The following LEF1 variants were observed in gnomAD, a reference collection of about 807,000 sequenced individuals.
The protein encoded by LEF1 is lymphoid enhancer-binding factor 1.
A neutral mutation model predicts 51.2 loss-of-function variants in LEF1; 14 were observed. The observed-to-expected ratio is 0.27, with a 90% CI of 0.18 to 0.43. The LOEUF is 0.43. LEF1 is among the 20% of genes least tolerant of loss of function. The pLI, the probability that LEF1 is intolerant of heterozygous loss-of-function variation, is 1.00. For missense variants in LEF1, 386 were observed against 512.0 expected, an observed-to-expected ratio of 0.75 and a Z score of 2.37; for synonymous variants, 185 against 183.2, an observed-to-expected ratio of 1.01 and a Z score of -0.08.
chr4:108,167,735 G>A lies in LEF1; in HGVS notation c.33C>T (p.Gly11=). 1.9e-6 allele frequency: 3 copies of A among 1,613,184 alleles called. No homozygotes were observed. Among genetic ancestry groups the A allele is most frequent in the Non-Finnish European group, 1.7e-6 (2 of 1,179,962 alleles). ...TGGCGCAGAGTTCCGGGTCCCCCCC[G>A]CCGCCGCCACCTCCTCCGGAGAGTT... MPQLSGGGGG[G]GGDPELCATD... The change falls in exon 1 of 12, where the codon GGC becomes GGT. Residue 11 remains glycine (G), a synonymous_variant. Transcript: ENST00000265165. This position sits in a 1 kb window ranked among gnomAD's most constrained non-coding sequence, Gnocchi z 5.7.
chr4:108,148,289 A>G (rs936668380), intron 3 of LEF1, among the ~76,000 whole-genome samples: 1 of 5,788 alleles, frequency 1.7e-4, no homozygotes, highest in African/African-American at 2.2e-4. Flanking sequence ...AAAAAAAAAA[A>G]TTTATCAAGC....
intron 4 of LEF1, among the ~76,000 whole-genome samples, chr4:108,087,565 G>T (rs1318062622): frequency 6.6e-6 from 1 of 152,090 alleles, no homozygotes; most frequent in Non-Finnish European, 1.5e-5. Context: ...TTAAAAAATT[G>T]AACTGTCCTA....
At chr4:108,057,943 T>G (rs1370563953) in intron 11 of LEF1, among the ~76,000 whole-genome samples, 4 of 151,684 alleles carry the variant, frequency 2.6e-5, no homozygotes, top group African/African-American at 9.7e-5. Flanking sequence ...GTGCTATCTC[T>G]GCTCACTGCA....
intron 11 of LEF1, among the ~76,000 whole-genome samples, chr4:108,050,832 G>A (rs1046388117): frequency 6.6e-5 from 10 of 152,066 alleles, no homozygotes; most frequent in East Asian, 2.0e-4. Context: ...CTGGCACAGC[G>A]AACTGTGAAG....
At position 108,155,660 on chromosome 4, in the gene LEF1, C is replaced by CT. The variant is rs1744644932; in HGVS notation, c.414+7907dup. Among the ~76,000 whole-genome samples the CT allele has an allele frequency of 3.3e-5, 5 of 152,338 alleles. No homozygotes were observed. The South Asian group carries it at 1.0e-3, about 32-fold the overall frequency. ...CTGCGGCCACAGCTAGAAAACAGCG[C>CT]TTTTGCAGGCTTTGTGCCATATGAA... On this transcript the variant is annotated intron_variant, in intron 3 of 11. Coordinates refer to ENST00000265165, the MANE Select transcript of LEF1 (RefSeq NM_016269.5).
chr4:108,149,617 ATACATGTGTATATATATGTACATATATG>A (rs1328014596), intron 3 of LEF1, among the ~76,000 whole-genome samples: 1 of 148,432 alleles, frequency 6.7e-6, no homozygotes, highest in African/African-American at 2.5e-5. Context: ...GTACATATAT[ATACATGTGTATATATATGTACATATATG>A]TACATGTGTA....
At chr4:108,049,869 T>C (rs1338681505) in intron 11 of LEF1, among the ~76,000 whole-genome samples, 2 of 152,226 alleles carry the variant, frequency 1.3e-5, no homozygotes, top group Admixed American at 1.3e-4. Context: ...CAGAGTACTT[T>C]CCATGGAAGG....
intron 11 of LEF1, among the ~76,000 whole-genome samples, chr4:108,050,639 C>T (rs1437007335): frequency 6.6e-6 from 1 of 152,208 alleles, no homozygotes; most frequent in Non-Finnish European, 1.5e-5. Flanking sequence ...CCAGGTTGCT[C>T]TTCCTGGGAA....
chr4:108,127,237 C>T (rs1321216520), intron 3 of LEF1, among the ~76,000 whole-genome samples: 1 of 152,176 alleles, frequency 6.6e-6, no homozygotes, highest in South Asian at 2.1e-4. Flanking sequence ...TCTCATTTGA[C>T]AAGTTAATTC....
At chr4:108,094,941 C>A (rs1237843825) in intron 3 of LEF1, among the ~76,000 whole-genome samples, 2 of 152,296 alleles carry the variant, frequency 1.3e-5, no homozygotes, top group South Asian at 2.1e-4. Flanking sequence ...GCTTCTCAAG[C>A]CTTCCCAGAA....
intron 3 of LEF1, among the ~76,000 whole-genome samples, chr4:108,153,526 CACTA>C (rs1285643924): frequency 6.6e-6 from 1 of 152,194 alleles, no homozygotes; most frequent in Admixed American, 6.5e-5. Context: ...AGCCTCAAAA[CACTA>C]ACCACAACGA....
intron 3 of LEF1, among the ~76,000 whole-genome samples, chr4:108,146,049 C>G (rs1743983281): frequency 6.6e-6 from 1 of 152,160 alleles, no homozygotes; most frequent in Admixed American, 6.5e-5. Flanking sequence ...TAAGTGACCA[C>G]TGAAAAAACA....
At position 108,157,179 on chromosome 4, in the gene LEF1, T is replaced by TATACACACACAC. The variant is rs780217431; in HGVS notation, c.414+6388_414+6389insGTGTGTGTGTAT. On this transcript the variant is annotated intron_variant, in intron 3 of 11. Coordinates refer to ENST00000265165, the MANE Select transcript of LEF1 (RefSeq NM_016269.5). ...CTCTCTCTCTCTCTCTATATATATA[T>TATACACACACAC]ACACACACACACACACACACACACA... Among the ~76,000 whole-genome samples, 856 of 116,746 alleles carry TATACACACACAC rather than the reference T, an allele frequency of 7.3e-3. 6 individuals are homozygous for TATACACACACAC. Among genetic ancestry groups the TATACACACACAC allele is most frequent in the Non-Finnish European group, 0.01 (612 of 59,084 alleles). The allele number at this position is 116,746 out of a possible 152,430, so 76.6% of individuals were successfully genotyped here.
intron 3 of LEF1, among the ~76,000 whole-genome samples, chr4:108,119,726 G>A (rs1304915343): frequency 2.0e-5 from 3 of 151,936 alleles, no homozygotes; most frequent in African/African-American, 7.3e-5. Context: ...TTCCTATAAG[G>A]CGGCCTAAAA....
intron 3 of LEF1, among the ~76,000 whole-genome samples, chr4:108,158,616 T>C (rs1744878306): frequency 6.6e-6 from 1 of 152,100 alleles, no homozygotes; most frequent in Admixed American, 6.6e-5. Flanking sequence ...TCCAGTCATG[T>C]CTATGATACA....
At chr4:108,166,612 T>C in intron 1 of LEF1, 3 of 1,080,708 alleles carry the variant, frequency 2.8e-6, no homozygotes, top group Non-Finnish European at 3.4e-6. Context: ...CTCCGCGCTT[T>C]CTCTAGCCAG....
At chr4:108,140,985 A>G (rs1743610869) in intron 3 of LEF1, among the ~76,000 whole-genome samples, 1 of 152,246 alleles carries the variant, frequency 6.6e-6, no homozygotes. Flanking sequence ...ACAAGTTTAC[A>G]GACTCAAAAT....
At chr4:108,153,954 A>T (rs1272455053) in intron 3 of LEF1, among the ~76,000 whole-genome samples, 1 of 152,214 alleles carries the variant, frequency 6.6e-6, no homozygotes, top group Non-Finnish European at 1.5e-5. Flanking sequence ...TTGTTTACCT[A>T]CATTTATATG....
intron 9 of LEF1, among the ~76,000 whole-genome samples, chr4:108,065,537 C>T (rs910238262): frequency 6.6e-6 from 1 of 152,104 alleles, no homozygotes; most frequent in East Asian, 1.9e-4. Flanking sequence ...TTTTGATGTG[C>T]CGTTTCTCAG....
Sources: gnomAD v4.1 joint callset for allele counts (sites outside exome capture counted in the v4.1 genomes callset) on GRCh38, gnomAD v4.1.1 for gene constraint, Gnocchi (gnomAD v3.1) non-coding constraint, MANE v1.5 for transcripts, NCBI Gene and HGNC (gene_info 2026-07-23, HGNC 2026-07-21) for gene names.